VWA8: variants seen among roughly 807,000 people sequenced by gnomAD.
VWA8 encodes von Willebrand factor A domain-containing protein 8.
A neutral mutation model predicts 241.5 loss-of-function variants in VWA8; 221 were observed. The ratio of observed to expected loss-of-function variants is 0.91; its 90% CI spans 0.82 to 1.02. The LOEUF (loss-of-function observed/expected upper bound fraction) is 1.02, where lower values mean the gene tolerates loss of function less well. VWA8 is among the 50% of genes least tolerant of loss of function. The pLI is 0.00. For missense variants in VWA8, 2,322 were observed against 2,328.7 expected (o/e 1.00, Z 0.06); for synonymous variants, 852 against 827.1 (o/e 1.03, Z -0.52).
chr13:41,886,064 A>C (rs751639296), intron 7 of VWA8, 36 bp from the exon 8 acceptor site: 2 of 1,353,748 alleles, frequency 1.5e-6, no homozygotes, highest in South Asian at 1.4e-5. Context: ...TAATAGTTTT[A>C]AAATATAAAA....
chr13:41,748,904 C>T (rs2045631469), intron 21 of VWA8, among the ~76,000 whole-genome samples: 1 of 152,112 alleles, frequency 6.6e-6, no homozygotes, highest in South Asian at 2.1e-4. Flanking sequence ...ACCATAAAAA[C>T]CCTAGAAGAA....
chr13:41,927,622 T>A (rs1292563022), intron 2 of VWA8, among the ~76,000 whole-genome samples: 1 of 148,382 alleles, frequency 6.7e-6, no homozygotes, highest in Non-Finnish European at 1.5e-5. Flanking sequence ...ACAAAAACAA[T>A]ACAGAGAAAG....
chr13:41,602,363 G>A (rs1047726315), intron 40 of VWA8, among the ~76,000 whole-genome samples: 1 of 152,076 alleles, frequency 6.6e-6, no homozygotes, highest in South Asian at 2.1e-4. Context: ...TGAGCTTTGG[G>A]CCGCACCTGC....
chr13:41,819,951 C>A (rs1870878193), intron 14 of VWA8, among the ~76,000 whole-genome samples: 1 of 152,128 alleles, frequency 6.6e-6, no homozygotes, highest in Non-Finnish European at 1.5e-5. Flanking sequence ...TTATAGAATG[C>A]ATTCTTTGGT....
chr13:41,872,856 A>C (rs890620207), intron 9 of VWA8, among the ~76,000 whole-genome samples: 6 of 152,168 alleles, frequency 3.9e-5, no homozygotes, highest in African/African-American at 1.4e-4. Flanking sequence ...AGTCATTGGT[A>C]GCTTGATGGG....
intron 9 of VWA8, among the ~76,000 whole-genome samples, chr13:41,881,901 G>T (rs1353727419): frequency 6.8e-6 from 1 of 147,796 alleles, no homozygotes. Context: ...GGCCTGGCGG[G>T]GGCTGACCCC....
At chr13:41,636,311 A>G (rs1160905520) in intron 37 of VWA8, among the ~76,000 whole-genome samples, 1 of 152,234 alleles carries the variant, frequency 6.6e-6, no homozygotes, top group African/African-American at 2.4e-5. Context: ...AACCTGACAA[A>G]AACAAGAAAT....
chr13:41,586,228 G>A (rs959702759), intron 42 of VWA8, among the ~76,000 whole-genome samples: 4 of 151,764 alleles, frequency 2.6e-5, no homozygotes, highest in Admixed American at 6.6e-5. Context: ...GGAAAAAGTC[G>A]AACACTGGTC....
At chr13:41,848,007 G>A (rs1872363261) in intron 12 of VWA8, among the ~76,000 whole-genome samples, 2 of 152,172 alleles carry the variant, frequency 1.3e-5, no homozygotes, top group South Asian at 4.1e-4. Context: ...TAGTGGGTTA[G>A]AATTTTTGGA....
chr13:41,735,190 A>G (rs1419616421), intron 21 of VWA8, among the ~76,000 whole-genome samples: 1 of 152,178 alleles, frequency 6.6e-6, no homozygotes, highest in African/African-American at 2.4e-5. Context: ...GCTTTCACAT[A>G]TTTAATGGGC....
intron 1 of VWA8, among the ~76,000 whole-genome samples, chr13:41,959,493 C>CAAAAAAAAAAA (rs59960898): frequency 1.3e-5 from 1 of 76,454 alleles, no homozygotes; most frequent in Non-Finnish European, 2.5e-5. Flanking sequence ...TGAGAAAAAG[C>CAAAAAAAAAAA]AAAAAAAAAA....
intron 9 of VWA8, among the ~76,000 whole-genome samples, chr13:41,879,428 T>C (rs1293661717): frequency 6.7e-6 from 1 of 148,438 alleles, no homozygotes; most frequent in African/African-American, 2.5e-5. Flanking sequence ...TTTCTTCTCT[T>C]TCATCATTGG....
rs1260472970 is a variant in VWA8 at position 41,568,136 on chromosome 13, A to G, written c.*61T>C. On this transcript the variant is annotated 3_prime_UTR_variant, in exon 45 of 45. Coordinates refer to ENST00000379310, the MANE Select transcript of VWA8 (RefSeq NM_015058.2). Reference sequence around the variant, plus strand: ...TCATCCATATCTTCTTTTTTTCAGAATACTCTTTATTCCTGTCTTATTTCA... The same window carrying G: ...TCATCCATATCTTCTTTTTTTCAGAGTACTCTTTATTCCTGTCTTATTTCA... 6 of 1,407,594 alleles carry G rather than the reference A, an allele frequency of 4.3e-6. No homozygotes were observed. The highest frequency in any genetic ancestry group is 1.0e-6 in the Non-Finnish European group (1 of 1,001,660). 87.2% of individuals were successfully genotyped at this position (1,407,594 alleles called of 1,614,324 possible). A position where few individuals can be genotyped will look rare whatever the true frequency, so the allele number is the denominator to read the frequency against.
chr13:41,862,319 T>C (rs1593825171), intron 12 of VWA8, among the ~76,000 whole-genome samples: 1 of 152,280 alleles, frequency 6.6e-6, no homozygotes, highest in Admixed American at 6.5e-5. Flanking sequence ...GAGACTTAAA[T>C]CTAAGACCTA....
intron 1 of VWA8, among the ~76,000 whole-genome samples, chr13:41,956,725 T>C (rs1878366012): frequency 6.6e-6 from 1 of 152,224 alleles, no homozygotes; most frequent in Admixed American, 6.5e-5. Flanking sequence ...CAAAAATTCA[T>C]GTAGATGGAT....
intron 32 of VWA8, 126 bp from the exon 33 acceptor site, chr13:41,690,401 T>TA: frequency 2.7e-6 from 2 of 735,756 alleles, no homozygotes; most frequent in Non-Finnish European, 4.2e-6. Flanking sequence ...TTTGCAGTTT[T>TA]AGAGTTTCAT....
At chr13:41,808,355 C>T (rs1037250816) in intron 17 of VWA8, among the ~76,000 whole-genome samples, 2 of 152,082 alleles carry the variant, frequency 1.3e-5, no homozygotes, top group African/African-American at 2.4e-5. Context: ...GGACACATGA[C>T]GCTGGCATTT....
Position 41,727,649 on chromosome 13 carries a change from G to C in VWA8, c.2639-336C>G, listed in dbSNP as rs188125637. ...TTAGTCCTTAAAAAAATTAAAAATA[G>C]AAATCCATAATAAGGGAGAATCCAA... On this transcript the variant is annotated intron_variant, in intron 23 of 44. Coordinates refer to ENST00000379310, the MANE Select transcript of VWA8 (RefSeq NM_015058.2). Among the ~76,000 whole-genome samples the C allele has an allele frequency of 3.3e-5, 5 of 152,160 alleles. No homozygotes were observed. In the East Asian group the frequency reaches 9.7e-4, roughly 29 times the overall value.
chr13:41,568,237 A>G lies in VWA8; in HGVS notation c.5678T>C (p.Leu1893Ser). 6.2e-7 allele frequency: 1 copy of G among 1,614,148 alleles called. No homozygotes were observed. Residue 1893 changes from leucine to serine, a missense_variant, in exon 45 of 45, where the codon TTA becomes TCA. Leu to Ser is a moderately radical substitution (Grantham distance 145). Transcript: ENST00000379310. ...CATGGTGGAGGTGAAGATCTGTTGT[A>G]AAATCTGAGGGATATCCTTGGTATC... ...AMDTKDIPQI[L>S]QQIFTSTMLS...
Sources: gnomAD v4.1 joint callset for allele counts (sites outside exome capture counted in the v4.1 genomes callset) on GRCh38, gnomAD v4.1.1 for gene constraint, MANE v1.5 for transcripts, NCBI Gene and HGNC (gene_info 2026-07-23, HGNC 2026-07-21) for gene names.